The following CTPS2 variants were observed in gnomAD, a reference collection of about 807,000 sequenced individuals.
CTPS2 encodes the protein CTP synthase II.
Under a neutral mutation model 46.8 loss-of-function variants are expected in CTPS2, and 19 were observed. The observed-to-expected ratio is 0.41, with a 90% confidence interval of 0.28 to 0.60. CTPS2 has a LOEUF of 0.60. Among genes scored for constraint, CTPS2 ranks in the 20% least tolerant of loss-of-function variants. The probability of loss-of-function intolerance (pLI) is 0.35; values close to 1 mark genes in which losing one functional copy is unlikely to be tolerated. For missense variants in CTPS2, 286 were observed against 447.6 expected (o/e 0.64, Z 3.26); for synonymous variants, 151 against 165.2 (o/e 0.91, Z 0.66).
At chrX:16,607,190 T>C (rs1930023104) in intron 17 of CTPS2, among the ~76,000 whole-genome samples, 1 of 112,726 alleles carries the variant, frequency 8.9e-6, no homozygotes, top group South Asian at 3.6e-4. Context: ...TATAAGTGAG[T>C]TATTTCTCCC....
chrX:16,686,642 G>A (rs866176362), intron 8 of CTPS2, among the ~76,000 whole-genome samples: 1 of 112,470 alleles, frequency 8.9e-6, no homozygotes, highest in Non-Finnish European at 1.9e-5. Context: ...GGTGGCTCAC[G>A]CCTTTAATCC....
At chrX:16,673,696 G>A (rs1057236735) in intron 10 of CTPS2, among the ~76,000 whole-genome samples, 1 of 111,833 alleles carries the variant, frequency 8.9e-6, no homozygotes, top group African/African-American at 3.2e-5. Flanking sequence ...GTAATCTTTG[G>A]GTAATAAAAA....
Position 16,667,567 on chromosome X carries a change from A to T in CTPS2, c.1253-10T>A, listed in dbSNP as rs770335231. ...TCTGTGGAATCAGCATCTGAAGATTAAGAAAAGAGTTCAGTAATTCACCAA... is the reference window on the plus strand; with the variant it reads ...TCTGTGGAATCAGCATCTGAAGATTTAGAAAAGAGTTCAGTAATTCACCAA... On this transcript the variant is annotated splice_polypyrimidine_tract_variant and intron_variant, in intron 12 of 18. Coordinates refer to ENST00000359276, the MANE Select transcript of CTPS2 (RefSeq NM_175859.3). 2.0e-5 allele frequency: 24 copies of T among 1,209,783 alleles called. No homozygotes were observed. The highest frequency in any genetic ancestry group is 2.6e-5 in the Non-Finnish European group (23 of 893,623).
At chrX:16,618,091 A>T (rs1930628373) in intron 15 of CTPS2, among the ~76,000 whole-genome samples, 1 of 110,959 alleles carries the variant, frequency 9.0e-6, no homozygotes, top group Non-Finnish European at 1.9e-5. Flanking sequence ...CTCATCCCCC[A>T]ACCCCCCATC....
At position 16,634,957 on chromosome X, in the gene CTPS2, G is replaced by GA. The variant is rs869060952; in HGVS notation, c.1393+4189dup. ...AGAGCAAAACTCTGTCTCAAAAAGA[G>GA]AAAAAAAAAAAAAAAGGCTCACTCT... is the stretch of plus-strand genomic sequence containing the variant. On this transcript the variant is annotated intron_variant, in intron 14 of 18. Coordinates refer to ENST00000359276, the MANE Select transcript of CTPS2 (RefSeq NM_175859.3). Among the ~76,000 whole-genome samples, 189 of 65,530 alleles carry GA rather than the reference G, an allele frequency of 2.9e-3. 1 individual carries two copies. The highest frequency in any genetic ancestry group is 9.1e-3 in the African/African-American group (146 of 16,008). 56.9% of individuals were successfully genotyped at this position (65,530 alleles called of 115,157 possible).
intron 13 of CTPS2, among the ~76,000 whole-genome samples, chrX:16,642,269 T>C (rs1287012700): frequency 8.9e-6 from 1 of 111,992 alleles, no homozygotes; most frequent in Non-Finnish European, 1.9e-5. Flanking sequence ...AATGCCACTG[T>C]GATCCTCTGA....
intron 2 of CTPS2, among the ~76,000 whole-genome samples, chrX:16,699,822 C>A (rs745794942): frequency 8.9e-6 from 1 of 112,101 alleles, no homozygotes; most frequent in African/African-American, 3.2e-5. Context: ...TAATCAGAAG[C>A]CTTTTATATC....
Position 16,652,304 on chromosome X carries a change from G to A in CTPS2, c.1297-13061C>T, listed in dbSNP as rs766980576. On this transcript the variant is annotated intron_variant, in intron 13 of 18. Coordinates refer to ENST00000359276, the MANE Select transcript of CTPS2 (RefSeq NM_175859.3). ...ACTATTTAGCTCTAACTTCAGGAAA[G>A]AACATTTCTTCAAATATTTTAACCA... Among the ~76,000 whole-genome samples the A allele has an allele frequency of 1.2e-3, 131 of 112,096 alleles. 1 individual carries two copies. The highest frequency in any genetic ancestry group is 4.0e-3 in the African/African-American group (125 of 30,898).
chrX:16,665,393 A>G (rs1021780850), intron 13 of CTPS2, among the ~76,000 whole-genome samples: 2 of 112,883 alleles, frequency 1.8e-5, no homozygotes, highest in Admixed American at 1.9e-4. Flanking sequence ...ATCAATGGAT[A>G]AATAAAATGT....
intron 14 of CTPS2, among the ~76,000 whole-genome samples, chrX:16,636,161 A>T (rs1931734118): frequency 8.9e-6 from 1 of 112,094 alleles, no homozygotes; most frequent in Admixed American, 9.5e-5. Context: ...GCACTTCAGG[A>T]GGCCAAGGTG....
At chrX:16,692,487 G>A (rs1326045999) in intron 6 of CTPS2, among the ~76,000 whole-genome samples, 3 of 110,507 alleles carry the variant, frequency 2.7e-5, no homozygotes, top group African/African-American at 9.9e-5. Flanking sequence ...AAAGAGCAGT[G>A]ATAACCCATC....
At chrX:16,667,488 C>T in intron 13 of CTPS2, 26 bp downstream of exon 13, 2 of 1,205,659 alleles carry the variant, frequency 1.7e-6, no homozygotes, top group African/African-American at 3.5e-5. Context: ...AATGACTGGA[C>T]CCAGAAAGAT....
Position 16,689,610 on chromosome X carries a change from C to A in CTPS2, c.721-9G>T. ...TCATGGATACATATGACCTAAGTGGCGATGAGAAATCACCATACTTAGATG... is the reference window on the plus strand; with the variant it reads ...TCATGGATACATATGACCTAAGTGGAGATGAGAAATCACCATACTTAGATG... On this transcript the variant is annotated splice_polypyrimidine_tract_variant and intron_variant, in intron 7 of 18. Transcript: ENST00000359276. 5 of 1,190,964 alleles carry A rather than the reference C, an allele frequency of 4.2e-6. No individual in the cohort carries two copies. The highest frequency in any genetic ancestry group is 4.5e-6 in the Non-Finnish European group (4 of 883,014).
intron 1 of CTPS2, among the ~76,000 whole-genome samples, chrX:16,706,591 T>C (rs1401785940): frequency 1.8e-5 from 2 of 111,418 alleles, no homozygotes; most frequent in Non-Finnish European, 3.8e-5. Flanking sequence ...CTGGGCATAG[T>C]GGCTCACACC....
At chrX:16,604,642 C>CA (rs1391412669) in intron 17 of CTPS2, among the ~76,000 whole-genome samples, 2,936 of 56,650 alleles carry the variant, frequency 0.052, 92 homozygotes, top group African/African-American at 0.15. Flanking sequence ...GCCTGAGAAA[C>CA]AAAAAAAAAA....
rs1930572063 is a variant in CTPS2 at position 16,617,134 on chromosome X, T to C, written c.1546+16A>G. ...CAAGTTATTGGAAGGTTTTCAAAAA[T>C]GAAGAGCCCACTTACTTGCCAGTTC... On this transcript the variant is annotated intron_variant, in intron 16 of 18. Transcript: ENST00000359276. The C allele has an allele frequency of 8.5e-7, 1 of 1,175,736 alleles. No homozygotes were observed. The highest frequency in any genetic ancestry group is 1.8e-5 in the South Asian group (1 of 54,060).
In CTPS2 at chrX:16,662,381, T is replaced by C. The variant is rs1932983194; in HGVS notation, c.1296+5133A>G. Among the ~76,000 whole-genome samples the C allele has an allele frequency of 2.7e-5, 3 of 111,766 alleles. No individual in the cohort carries two copies. In the South Asian group the frequency reaches 1.1e-3, roughly 42 times the overall value. ...CGCAGAAAGAGTCTACCTTAACCCT[T>C]AGGGAAAAATCTGTTTCTCTTTTTA... is the stretch of plus-strand genomic sequence containing the variant. On this transcript the variant is annotated intron_variant, in intron 13 of 18. Coordinates refer to ENST00000359276, the MANE Select transcript of CTPS2 (RefSeq NM_175859.3).
chrX:16,653,626 A>C (rs1214673107), intron 13 of CTPS2, among the ~76,000 whole-genome samples: 1 of 110,796 alleles, frequency 9.0e-6, no homozygotes, highest in African/African-American at 3.3e-5. Flanking sequence ...CTCGGGCCCC[A>C]CCCCAGGCCT....
intron 2 of CTPS2, among the ~76,000 whole-genome samples, chrX:16,701,354 C>T (rs1026756698): frequency 1.8e-5 from 2 of 109,887 alleles, no homozygotes; most frequent in South Asian, 7.8e-4. Flanking sequence ...CCCAGGAGGT[C>T]GAGACCAGCC....
Sources: allele counts gnomAD v4.1 joint callset (sites outside exome capture counted in the v4.1 genomes callset), GRCh38; gene constraint gnomAD v4.1.1; transcripts MANE v1.5; gene names NCBI Gene and HGNC (gene_info 2026-07-23, HGNC 2026-07-21).